EPB41L4A: variants seen among roughly 807,000 people sequenced by gnomAD.
EPB41L4A encodes the protein erythrocyte membrane protein band 4.1 like 4A, also known as band 4.1-like protein 4A.
Under a neutral mutation model 108.6 loss-of-function variants are expected in EPB41L4A, and 100 were observed. The ratio of observed to expected loss-of-function variants is 0.92; its 90% CI spans 0.78 to 1.09. EPB41L4A has a LOEUF of 1.09. Among genes scored for constraint, EPB41L4A ranks in the 50% least tolerant of loss-of-function variants. The pLI is 0.00. For synonymous variants in EPB41L4A, 319 were observed against 289.0 expected, an observed-to-expected ratio of 1.10 and a Z score of -1.05; for missense variants, 1,030 against 842.7, an observed-to-expected ratio of 1.22 and a Z score of -2.75.
intron 4 of EPB41L4A, among the ~76,000 whole-genome samples, chr5:112,266,662 C>G (rs1188753315): frequency 2.0e-5 from 3 of 152,182 alleles, no homozygotes; most frequent in African/African-American, 4.8e-5. Flanking sequence ...CAGTTGACAG[C>G]ATCCACCTCA....
At chr5:112,147,398 G>A (rs757853116) in intron 12 of EPB41L4A, among the ~76,000 whole-genome samples, 114 of 151,728 alleles carry the variant, frequency 7.5e-4, no homozygotes, top group Non-Finnish European at 1.3e-3. Context: ...CCAGCACTTT[G>A]GGAGGCCGAG....
At chr5:112,153,733 T>G (rs910086848) in intron 12 of EPB41L4A, among the ~76,000 whole-genome samples, 3 of 151,512 alleles carry the variant, frequency 2.0e-5, no homozygotes, top group African/African-American at 7.3e-5. Flanking sequence ...ATATGGTTAA[T>G]AAGCTAGATC....
At chr5:112,413,139 G>A (rs1246268795) in intron 1 of EPB41L4A, among the ~76,000 whole-genome samples, 1 of 152,210 alleles carries the variant, frequency 6.6e-6, no homozygotes, top group Non-Finnish European at 1.5e-5. Context: ...TGGGAAATAT[G>A]CTCTTCTTCG....
At chr5:112,243,630 A>T (rs530950504) in intron 9 of EPB41L4A, among the ~76,000 whole-genome samples, 1 of 152,310 alleles carries the variant, frequency 6.6e-6, no homozygotes, top group African/African-American at 2.4e-5. Context: ...CAATAATCTT[A>T]GCTAGATCTT....
chr5:112,324,030 C>A (rs1228995094), intron 1 of EPB41L4A, among the ~76,000 whole-genome samples: 1 of 152,058 alleles, frequency 6.6e-6, no homozygotes, highest in East Asian at 1.9e-4. Context: ...AACCAATGAA[C>A]CCAATCTAAA....
At position 112,253,016 on chromosome 5, in the gene EPB41L4A, C is replaced by G. The variant is rs59775924; in HGVS notation, c.795+6213G>C. Among the ~76,000 whole-genome samples the G allele has an allele frequency of 0.014, 2,098 of 152,238 alleles. 225 individuals are homozygous for G. In the East Asian group the frequency reaches 0.27, roughly 19 times the overall value. On this transcript the variant is annotated intron_variant, in intron 9 of 22. Transcript: ENST00000261486. Reference sequence around the variant, plus strand: ...GGGAGTACAGAGCTAGAAAAATCAGCGTTTTGCAACCATCTTAGTAGAAGA... The same window carrying G: ...GGGAGTACAGAGCTAGAAAAATCAGGGTTTTGCAACCATCTTAGTAGAAGA...
intron 2 of EPB41L4A, 105 bp from the exon 3 acceptor site, chr5:112,280,428 G>A: frequency 9.3e-7 from 1 of 1,075,784 alleles, no homozygotes; most frequent in Non-Finnish European, 1.4e-6. Context: ...TTAAAACTTG[G>A]TCAGTTAAAC....
intron 1 of EPB41L4A, among the ~76,000 whole-genome samples, chr5:112,370,108 T>G (rs1759391662): frequency 6.6e-6 from 1 of 152,024 alleles, no homozygotes; most frequent in Admixed American, 6.5e-5. Flanking sequence ...CACTGCAGCC[T>G]CAGCCTCCCG....
chr5:112,268,494 T>C (rs1377615878), intron 4 of EPB41L4A, among the ~76,000 whole-genome samples: 3 of 152,176 alleles, frequency 2.0e-5, no homozygotes, highest in African/African-American at 7.2e-5. Context: ...ATTGGCATCT[T>C]CAAATTTCTT....
chr5:112,157,402 T>G (rs1260274789), intron 12 of EPB41L4A, among the ~76,000 whole-genome samples: 1 of 152,236 alleles, frequency 6.6e-6, no homozygotes, highest in African/African-American at 2.4e-5. Flanking sequence ...GCTCACTTAC[T>G]CTCTACCCCT....
intron 9 of EPB41L4A, among the ~76,000 whole-genome samples, chr5:112,252,854 T>A (rs201746807): frequency 1.3e-5 from 2 of 149,724 alleles, no homozygotes; most frequent in East Asian, 2.0e-4. Context: ...TTGAAAGTAT[T>A]AAAAAAAAAA....
chr5:112,316,094 C>T (rs1191716480), intron 1 of EPB41L4A, among the ~76,000 whole-genome samples: 2 of 152,180 alleles, frequency 1.3e-5, no homozygotes, highest in East Asian at 1.9e-4. Flanking sequence ...TAGAGAAAGA[C>T]TCACTAGTAG....
At chr5:112,211,545 G>A (rs541564722) in intron 12 of EPB41L4A, among the ~76,000 whole-genome samples, 23 of 148,662 alleles carry the variant, frequency 1.5e-4, no homozygotes, top group Admixed American at 5.4e-4. Context: ...CTGAGATTGC[G>A]CCACTACACT....
At chr5:112,364,012 CATTCATTT>C (rs1281305051) in intron 1 of EPB41L4A, among the ~76,000 whole-genome samples, 4 of 151,946 alleles carry the variant, frequency 2.6e-5, no homozygotes, top group East Asian at 3.9e-4. Flanking sequence ...TATTTGCTTT[CATTCATTT>C]ATTCATTCAT....
At chr5:112,243,829 TAC>T (rs1304084211) in intron 9 of EPB41L4A, among the ~76,000 whole-genome samples, 1 of 152,234 alleles carries the variant, frequency 6.6e-6, no homozygotes, top group East Asian at 1.9e-4. Flanking sequence ...TTCTCTGGAT[TAC>T]AGACTTTGGT....
chr5:112,288,116 T>G (rs1753405183), intron 2 of EPB41L4A, among the ~76,000 whole-genome samples: 2 of 152,180 alleles, frequency 1.3e-5, no homozygotes, highest in South Asian at 4.1e-4. Context: ...AAATCCTTTA[T>G]TAGATGTAAT....
intron 1 of EPB41L4A, among the ~76,000 whole-genome samples, chr5:112,371,992 C>A (rs1759525647): frequency 6.6e-6 from 1 of 151,932 alleles, no homozygotes; most frequent in African/African-American, 2.4e-5. Context: ...GAGTTTAAGA[C>A]CAGCCTAGGC....
intron 1 of EPB41L4A, among the ~76,000 whole-genome samples, chr5:112,350,521 C>T (rs1428907259): frequency 1.3e-5 from 2 of 152,174 alleles, no homozygotes; most frequent in African/African-American, 4.8e-5. Context: ...AAATATACAG[C>T]ACAATTGTTA....
At position 112,319,879 on chromosome 5, in the gene EPB41L4A, T is replaced by C. The variant is rs1755660289; in HGVS notation, c.100-12389A>G. On this transcript the variant is annotated intron_variant, in intron 1 of 22. Coordinates refer to ENST00000261486, the MANE Select transcript of EPB41L4A (RefSeq NM_022140.5). ...CATGATGATGTACTAGAGGATCCTTTTGGGGTATTATGTATTAAAGCATTT... is the reference window on the plus strand; with the variant it reads ...CATGATGATGTACTAGAGGATCCTTCTGGGGTATTATGTATTAAAGCATTT... 2.0e-5 allele frequency among the ~76,000 whole-genome samples: 3 copies of C among 152,148 alleles called. No homozygotes were observed. In the South Asian group the frequency reaches 6.2e-4, roughly 31 times the overall value.
Sources: gnomAD v4.1 joint callset for allele counts (sites outside exome capture counted in the v4.1 genomes callset) on GRCh38, gnomAD v4.1.1 for gene constraint, MANE v1.5 for transcripts, NCBI Gene and HGNC (gene_info 2026-07-23, HGNC 2026-07-21) for gene names.